Variants in ABCD3 observed in about 807,000 individuals in gnomAD.
ABCD3 encodes ATP binding cassette subfamily D member 3, also known as ATP-binding cassette sub-family D member 3.
Under a neutral mutation model 105.5 loss-of-function variants are expected in ABCD3, and 41 were observed. That is an observed-to-expected ratio of 0.39 (90% CI 0.30 to 0.50). The LOEUF is 0.50. Among genes scored for constraint, ABCD3 ranks in the 20% least tolerant of loss-of-function variants. The probability of loss-of-function intolerance (pLI) is 0.84; values close to 1 mark genes in which losing one functional copy is unlikely to be tolerated. For synonymous variants in ABCD3, 258 were observed against 269.0 expected, an observed-to-expected ratio of 0.96 and a Z score of 0.40; for missense variants, 622 against 806.3, an observed-to-expected ratio of 0.77 and a Z score of 2.77.
intron 5 of ABCD3, among the ~76,000 whole-genome samples, chr1:94,474,307 G>A (rs1011224664): frequency 2.0e-5 from 3 of 151,920 alleles, no homozygotes; most frequent in Admixed American, 2.0e-4. Flanking sequence ...AACTATTACA[G>A]TAACTTGAAC....
At chr1:94,478,373 A>T in intron 8 of ABCD3, 58 bp downstream of exon 8, 20 of 1,353,648 alleles carry the variant, frequency 1.5e-5, no homozygotes, top group Non-Finnish European at 2.1e-5. Context: ...TGAAATACAT[A>T]TTGTGAATAG....
intron 1 of ABCD3, among the ~76,000 whole-genome samples, chr1:94,424,870 A>G (rs946763702): frequency 5.9e-5 from 9 of 152,224 alleles, no homozygotes; most frequent in African/African-American, 2.2e-4. Flanking sequence ...AAGTTCCACA[A>G]AGGCAAGAAT....
upstream of ABCD3, among the ~76,000 whole-genome samples, chr1:94,413,781 G>T (rs1333566959): frequency 1.3e-5 from 2 of 151,998 alleles, no homozygotes; most frequent in East Asian, 3.9e-4. Context: ...TGATTGGCAG[G>T]TCTCTAAAAA....
intron 1 of ABCD3, among the ~76,000 whole-genome samples, chr1:94,434,197 A>C (rs1467894666): frequency 6.6e-6 from 1 of 152,146 alleles, no homozygotes; most frequent in Admixed American, 6.5e-5. Context: ...TTTTAGTTTA[A>C]AAAAAATCAC....
At chr1:94,489,388 TC>T (rs912965865) in intron 13 of ABCD3, among the ~76,000 whole-genome samples, 10 of 152,036 alleles carry the variant, frequency 6.6e-5, no homozygotes, top group African/African-American at 2.4e-4. Context: ...AGTCCATACT[TC>T]CTGGGTCTAA....
At chr1:94,463,762 G>T (rs1186424466) in intron 2 of ABCD3, among the ~76,000 whole-genome samples, 1 of 152,110 alleles carries the variant, frequency 6.6e-6, no homozygotes, top group Non-Finnish European at 1.5e-5. Context: ...CTTGAGAGAG[G>T]TAAGATTATC....
At chr1:94,388,058 C>G in the ABCD3 span, among the ~76,000 whole-genome samples, 5 of 152,216 alleles carry the variant, frequency 3.3e-5, no homozygotes, top group South Asian at 1.0e-3. Flanking sequence ...CTCTTCAACT[C>G]TGTATGTTTC....
At chr1:94,457,611 C>G (rs1007790778) in intron 1 of ABCD3, among the ~76,000 whole-genome samples, 1 of 152,108 alleles carries the variant, frequency 6.6e-6, no homozygotes, top group African/African-American at 2.4e-5. Context: ...TCTAGAGACA[C>G]TCCCCTCTCC....
intron 16 of ABCD3, 138 bp from the exon 17 acceptor site, chr1:94,498,464 C>A: frequency 1.2e-6 from 1 of 867,878 alleles, no homozygotes; most frequent in Admixed American, 2.1e-5. Context: ...ACTGCTCTAC[C>A]TAATGCTACA....
chr1:94,496,165 T>C (rs1649787941), intron 16 of ABCD3, among the ~76,000 whole-genome samples: 1 of 152,180 alleles, frequency 6.6e-6, no homozygotes, highest in Non-Finnish European at 1.5e-5. Context: ...TACAGTGTTA[T>C]GCAGCCACCA....
intron 13 of ABCD3, 133 bp from the exon 14 acceptor site, chr1:94,489,592 C>T: frequency 2.8e-6 from 2 of 719,962 alleles, no homozygotes; most frequent in East Asian, 2.7e-5. Context: ...ATCATTAATA[C>T]TTTATGTTGA....
At chr1:94,463,352 A>G (rs1647969595) in intron 2 of ABCD3, among the ~76,000 whole-genome samples, 1 of 152,150 alleles carries the variant, frequency 6.6e-6, no homozygotes, top group Non-Finnish European at 1.5e-5. Flanking sequence ...TCTTAGGATT[A>G]TGTCTATAAA....
chr1:94,475,389 T>A, intron 6 of ABCD3, 149 bp downstream of exon 6: 1 of 746,016 alleles, frequency 1.3e-6, no homozygotes, highest in Non-Finnish European at 2.2e-6. Flanking sequence ...ACCTTTCAGT[T>A]ATTTGGAATC....
In ABCD3 at chr1:94,489,815, G is replaced by A. The variant is rs200036674; in HGVS notation, c.1248G>A (p.Lys416=). The A allele has an allele frequency of 7.4e-5, 119 of 1,612,904 alleles. No individual in the cohort carries two copies. Among genetic ancestry groups the A allele is most frequent in the Non-Finnish European group, 9.8e-5 (115 of 1,179,154 alleles). ...GCACAATGGTCTCACAACAGGAAAA[G>A]GGTAAATATGAGTGTCACAGTTTAA... ...YERTMVSQQE[K]GIEGVQVIPL... is the part of the protein sequence containing the mutation. The change falls in exon 14 of 23, where the codon AAG becomes AAA. Residue 416 remains lysine, a splice_region_variant and synonymous_variant. Transcript: ENST00000370214.
intron 22 of ABCD3, among the ~76,000 whole-genome samples, chr1:94,515,575 GA>G (rs1339056422): frequency 2.0e-5 from 3 of 151,904 alleles, no homozygotes; most frequent in Non-Finnish European, 4.4e-5. Context: ...TAGAGGTCAG[GA>G]CTACAAGGGG....
the ABCD3 span, among the ~76,000 whole-genome samples, chr1:94,402,060 C>T: frequency 6.6e-6 from 1 of 152,210 alleles, no homozygotes; most frequent in South Asian, 2.1e-4. Context: ...TAGTGTGTGT[C>T]TGCTTATCTG....
chr1:94,427,113 C>G (rs915114594), intron 1 of ABCD3, among the ~76,000 whole-genome samples: 1 of 152,098 alleles, frequency 6.6e-6, no homozygotes, highest in African/African-American at 2.4e-5. Context: ...CATCTTTTCA[C>G]ACATTTCCTT....
chr1:94,480,803 T>TGTA (rs1347956424), intron 9 of ABCD3, among the ~76,000 whole-genome samples, 197 bp downstream of exon 9: 1 of 152,196 alleles, frequency 6.6e-6, no homozygotes, highest in Non-Finnish European at 1.5e-5. Context: ...TTACTAACCA[T>TGTA]GTAGTATTCC....
chr1:94,458,756 C>T lies in ABCD3; in HGVS notation c.147+113C>T, dbSNP rs1254888138. On this transcript the variant is annotated intron_variant, in intron 2 of 22. Coordinates refer to ENST00000370214, the MANE Select transcript of ABCD3 (RefSeq NM_002858.4). ...ATAATTAGTAGGGAACTTAAAAATA[C>T]TCCAGTCTTCTACACATTACAGGAA... is the stretch of plus-strand genomic sequence containing the variant. 4.0e-6 allele frequency: 4 copies of T among 1,004,294 alleles called. No individual in the cohort carries two copies. In the African/African-American group the frequency reaches 4.9e-5, roughly 12 times the overall value. 62.2% of individuals were successfully genotyped at this position (1,004,294 alleles called of 1,614,324 possible).
Sources: allele counts gnomAD v4.1 joint callset (sites outside exome capture counted in the v4.1 genomes callset), GRCh38; gene constraint gnomAD v4.1.1; transcripts MANE v1.5; gene names NCBI Gene and HGNC (gene_info 2026-07-23, HGNC 2026-07-21).